Variants in THAP4 observed in about 807,000 individuals in gnomAD.
THAP4 encodes peroxynitrite isomerase THAP4.
THAP4 carries 18 observed loss-of-function variants against 48.1 expected under a neutral mutation model. The observed-to-expected ratio is 0.37, with a 90% confidence interval of 0.26 to 0.56. The LOEUF is 0.56. THAP4 is among the 20% of genes least tolerant of loss of function. THAP4 has a pLI of 0.78. For missense variants in THAP4, 656 were observed against 774.9 expected, an observed-to-expected ratio of 0.85 and a Z score of 1.82; for synonymous variants, 345 against 324.9, an observed-to-expected ratio of 1.06 and a Z score of -0.66.
In THAP4 at chr2:241,601,672, CA is replaced by C; in HGVS notation, c.1614+223del. On this transcript the variant is annotated intron_variant, in intron 5 of 5. Transcript: ENST00000407315. The surrounding 1 kb of genome is among the most constrained non-coding windows in gnomAD (Gnocchi z 4.0). ...GCAAAAGGATGTTTGTGACAAACAA[CA>C]AACCTCAAAAAAACCACACCACTGA... is the stretch of plus-strand genomic sequence containing the variant. 3 of 711,896 alleles carry C rather than the reference CA, an allele frequency of 4.2e-6. No individual in the cohort carries two copies. The highest frequency in any genetic ancestry group is 6.7e-6 in the Non-Finnish European group (3 of 447,332). 44.1% of individuals were successfully genotyped at this position (711,896 alleles called of 1,614,324 possible).
chr2:241,587,724 T>A (rs2125065320), intron 5 of THAP4, among the ~76,000 whole-genome samples: 1 of 151,786 alleles, frequency 6.6e-6, no homozygotes, highest in East Asian at 1.9e-4. Flanking sequence ...GTAACATATC[T>A]CTAAATAACC....
chr2:241,590,503 G>A (rs1292110669), intron 5 of THAP4, among the ~76,000 whole-genome samples: 2 of 146,834 alleles, frequency 1.4e-5, no homozygotes, highest in Admixed American at 6.8e-5. Flanking sequence ...TGATGATAAT[G>A]GGCACTAGGA....
chr2:241,636,784 G>A (rs376998835), intron 1 of THAP4, among the ~76,000 whole-genome samples, 157 bp downstream of exon 1: 2 of 149,160 alleles, frequency 1.3e-5, no homozygotes, highest in Non-Finnish European at 3.0e-5. Flanking sequence ...AGAGACGGCG[G>A]CCGGGCCAAG....
intron 5 of THAP4, among the ~76,000 whole-genome samples, chr2:241,597,576 C>T (rs1224847412): frequency 1.3e-5 from 2 of 152,232 alleles, no homozygotes; most frequent in African/African-American, 4.8e-5. Flanking sequence ...ATTCCCCCAA[C>T]ACTGTAATAA....
At chr2:241,622,783 T>G (rs192069305) in intron 2 of THAP4, among the ~76,000 whole-genome samples, 6 of 152,116 alleles carry the variant, frequency 3.9e-5, no homozygotes, top group African/African-American at 1.2e-4. Context: ...TATTTTTTTT[T>G]GTAGAGATGG....
At chr2:241,604,354 G>A (rs968669132) in intron 3 of THAP4, among the ~76,000 whole-genome samples, 5 of 152,022 alleles carry the variant, frequency 3.3e-5, no homozygotes, top group Non-Finnish European at 7.4e-5. Context: ...GAGTTCAAGC[G>A]ATTCTCCTGC....
rs145199920 is a variant in THAP4 at position 241,630,473 on chromosome 2, G to C, written c.1240+2444C>G. Among the ~76,000 whole-genome samples, 822 of 152,312 alleles carry C rather than the reference G, an allele frequency of 5.4e-3. 16 individuals carry two copies. The highest frequency in any genetic ancestry group is 0.019 in the African/African-American group (783 of 41,554). Reference sequence around the variant, plus strand: ...GAAGTTTAACCAAGAGGAACAGAGAGAAGCTGTCTAAAGCAGCATTAGCTC... The same window carrying C: ...GAAGTTTAACCAAGAGGAACAGAGACAAGCTGTCTAAAGCAGCATTAGCTC... On this transcript the variant is annotated intron_variant, in intron 2 of 5. Transcript: ENST00000407315.
chr2:241,629,102 C>A (rs1307262011), intron 2 of THAP4, among the ~76,000 whole-genome samples: 1 of 151,996 alleles, frequency 6.6e-6, no homozygotes, highest in Non-Finnish European at 1.5e-5. Context: ...CAGCCTCCAC[C>A]TAGGGAAGGT....
At chr2:241,613,034 C>T (rs751187749) in intron 2 of THAP4, among the ~76,000 whole-genome samples, 11 of 152,064 alleles carry the variant, frequency 7.2e-5, no homozygotes, top group Non-Finnish European at 1.5e-4. Context: ...TTATTAAAAT[C>T]GATTTCACTT....
chr2:241,596,966 G>A (rs2067056761), intron 5 of THAP4, among the ~76,000 whole-genome samples: 1 of 152,168 alleles, frequency 6.6e-6, no homozygotes, highest in South Asian at 2.1e-4. Context: ...TATAAATACA[G>A]TACAGTTAGG....
chr2:241,630,304 G>A (rs1447514547), intron 2 of THAP4, among the ~76,000 whole-genome samples: 2 of 152,146 alleles, frequency 1.3e-5, no homozygotes, highest in Non-Finnish European at 2.9e-5. Flanking sequence ...CTCCATTGCA[G>A]GGTTAAGGAA....
chr2:241,636,495 T>C (rs990154902), intron 1 of THAP4, among the ~76,000 whole-genome samples: 2 of 152,044 alleles, frequency 1.3e-5, no homozygotes, highest in African/African-American at 2.4e-5. Flanking sequence ...ACCCGCGTCC[T>C]GGGCTCGGGG....
At chr2:241,629,351 G>C (rs977797890) in intron 2 of THAP4, among the ~76,000 whole-genome samples, 7 of 151,804 alleles carry the variant, frequency 4.6e-5, no homozygotes, top group African/African-American at 1.2e-4. Flanking sequence ...TGTGCCTGTA[G>C]TCCCAGCTAC....
rs531209454 is a variant in THAP4, at chr2:241,606,343, G to A, written c.1371C>T (p.Ser457=). The change falls in exon 3 of 6, where the codon TCC becomes TCT. Residue 457 remains serine, a synonymous_variant. Transcript: ENST00000407315. The stretch of plus-strand genomic sequence containing the variant: ...AGTTCAGCATGGGCTGGCCCACGTG[G>A]GAGATGTGAACCTCCTCCAGGTACT... ...PFQYLEEVHI[S]HVGQPMLNFS... 4.9e-5 allele frequency: 76 copies of A among 1,566,634 alleles called. 2 individuals are homozygous for A. In the South Asian group the frequency reaches 8.8e-4, roughly 18 times the overall value.
At chr2:241,635,701 G>A (rs757758221) in intron 1 of THAP4, among the ~76,000 whole-genome samples, 5 of 151,864 alleles carry the variant, frequency 3.3e-5, no homozygotes, top group Non-Finnish European at 5.9e-5. Context: ...ACCCAGGAGC[G>A]GGGGTTGCAG....
At chr2:241,635,737 C>G (rs1020664870) in intron 1 of THAP4, among the ~76,000 whole-genome samples, 3 of 152,056 alleles carry the variant, frequency 2.0e-5, no homozygotes. Flanking sequence ...CCAATGCACT[C>G]CAGCCTGGGC....
At chr2:241,628,262 C>A (rs948193672) in intron 2 of THAP4, among the ~76,000 whole-genome samples, 1 of 151,972 alleles carries the variant, frequency 6.6e-6, no homozygotes, top group African/African-American at 2.4e-5. Flanking sequence ...GCTCCTGGGC[C>A]GGGCACTGAA....
chr2:241,613,697 A>G (rs1468767213), intron 2 of THAP4, among the ~76,000 whole-genome samples: 1 of 152,112 alleles, frequency 6.6e-6, no homozygotes. Flanking sequence ...AGAGATCGCA[A>G]TGAGCCGAGA....
chr2:241,617,349 T>A (rs2067360716), intron 2 of THAP4: 1 of 1,268,812 alleles, frequency 7.9e-7, no homozygotes. Context: ...AACAAAAATT[T>A]AAATTTCCTG....
Sources: allele counts gnomAD v4.1 joint callset (sites outside exome capture counted in the v4.1 genomes callset), GRCh38; gene constraint gnomAD v4.1.1; non-coding constraint Gnocchi (gnomAD v3.1); transcripts MANE v1.5; gene names NCBI Gene and HGNC (gene_info 2026-07-23, HGNC 2026-07-21).